ABHD6: variants seen among roughly 807,000 people sequenced by gnomAD.
ABHD6 encodes the protein abhydrolase domain containing 6, acylglycerol lipase.
In ABHD6, 33 loss-of-function variants were observed where a neutral mutation model predicts 38.8. That is an observed-to-expected ratio of 0.85 (90% confidence interval 0.64 to 1.14). ABHD6 has a LOEUF of 1.14. Ranked by LOEUF, ABHD6 falls within the 50% of genes most tolerant of loss-of-function variation. The pLI, the probability that ABHD6 is intolerant of heterozygous loss-of-function variation, is 0.00. For missense variants in ABHD6, 380 were observed against 422.6 expected, an observed-to-expected ratio of 0.90 and a Z score of 0.88; for synonymous variants, 147 against 161.6, an observed-to-expected ratio of 0.91 and a Z score of 0.69.
Position 58,262,615 on chromosome 3 carries a change from CT to C in ABHD6, c.120-4573del, listed in dbSNP as rs1219229558. 3.3e-5 allele frequency among the ~76,000 whole-genome samples: 5 copies of C among 152,316 alleles called. No individual in the cohort carries two copies. In the East Asian group the frequency reaches 9.6e-4, roughly 29 times the overall value. ...CTCTTTGTTTCTGTTCTGTAAGGTT[CT>C]GCTTTTGTGAATTAGAGGTAATCTA... On this transcript the variant is annotated intron_variant, in intron 3 of 9. Transcript: ENST00000478253.
rs1160252748 is a variant in ABHD6 at position 58,269,091 on chromosome 3, G to C, written c.277-230G>C. On this transcript the variant is annotated intron_variant, in intron 4 of 9. Transcript: ENST00000478253. The surrounding 1 kb of genome is among the most constrained non-coding windows in gnomAD (Gnocchi z 4.4). ...CCCCGACTTTGTCCCCTTTTTACAG[G>C]CATCTCCTGAGCCTGCTTCCATCTA... 6.6e-6 allele frequency among the ~76,000 whole-genome samples: 1 copy of C among 152,196 alleles called. No homozygotes were observed. The highest frequency in any genetic ancestry group is 2.4e-5 in the African/African-American group (1 of 41,454).
intron 7 of ABHD6, among the ~76,000 whole-genome samples, chr3:58,277,922 G>T (rs1370367965): frequency 6.6e-6 from 1 of 152,160 alleles, no homozygotes; most frequent in Non-Finnish European, 1.5e-5. Flanking sequence ...TTATTGATTT[G>T]TGTATGTTGA....
At chr3:58,272,350 T>C (rs1486234204) in intron 6 of ABHD6, among the ~76,000 whole-genome samples, 1 of 152,222 alleles carries the variant, frequency 6.6e-6, no homozygotes. Flanking sequence ...AGTCCTTGCA[T>C]ATTTACTGCC....
Position 58,251,789 on chromosome 3 carries a change from C to A in ABHD6, c.-26+1847C>A, listed in dbSNP as rs1271287839. On this transcript the variant is annotated intron_variant, in intron 2 of 9. Coordinates refer to ENST00000478253, the MANE Select transcript of ABHD6 (RefSeq NM_001320126.2). The surrounding 1 kb of genome is among the most constrained non-coding windows in gnomAD (Gnocchi z 5.4). Reference sequence around the variant, plus strand: ...TAACCCTGGGGTGCCTCACTTTACACGATAAATAGATAAAATGAAGTGTTT... The same window carrying A: ...TAACCCTGGGGTGCCTCACTTTACAAGATAAATAGATAAAATGAAGTGTTT... Among the ~76,000 whole-genome samples, 1 of 152,122 alleles carries A rather than the reference C, an allele frequency of 6.6e-6. No individual in the cohort carries two copies.
At chr3:58,275,165 C>A (rs1304245825) in intron 7 of ABHD6, among the ~76,000 whole-genome samples, 1 of 151,952 alleles carries the variant, frequency 6.6e-6, no homozygotes, top group Non-Finnish European at 1.5e-5. Flanking sequence ...CTTCTAGGGA[C>A]AGCATATGCA....
intron 7 of ABHD6, among the ~76,000 whole-genome samples, chr3:58,279,748 T>G (rs527644316): frequency 6.6e-6 from 1 of 152,358 alleles, no homozygotes; most frequent in South Asian, 2.1e-4. Context: ...TTTCCATGTT[T>G]AGTGCTTCCT....
chr3:58,256,092 C>G lies in ABHD6; in HGVS notation c.-25-470C>G, dbSNP rs1036887970. Reference sequence around the variant, plus strand: ...CCTCCCACCAACACACACACACACACACACACACACACACACATACACACA... The same window carrying G: ...CCTCCCACCAACACACACACACACAGACACACACACACACACATACACACA... On this transcript the variant is annotated intron_variant, in intron 2 of 9. Transcript: ENST00000478253. The surrounding 1 kb of genome is among the most constrained non-coding windows in gnomAD (Gnocchi z 4.3). Among the ~76,000 whole-genome samples, 6 of 84,934 alleles carry G rather than the reference C, an allele frequency of 7.1e-5. No homozygotes were observed. Among genetic ancestry groups the G allele is most frequent in the Admixed American group, 5.0e-4 (5 of 10,032 alleles). 55.7% of individuals were successfully genotyped at this position (84,934 alleles called of 152,430 possible).
chr3:58,247,670 G>A (rs1441539828), intron 1 of ABHD6, among the ~76,000 whole-genome samples: 3 of 152,038 alleles, frequency 2.0e-5, no homozygotes, highest in African/African-American at 7.3e-5. Context: ...TCCACCTCGC[G>A]GTCAAGCAAT....
At chr3:58,290,256 C>T (rs1351004654) in intron 9 of ABHD6, among the ~76,000 whole-genome samples, 3 of 129,480 alleles carry the variant, frequency 2.3e-5, no homozygotes, top group Non-Finnish European at 3.4e-5. Context: ...GCAGAGGCGC[C>T]CCTCACCTCC....
intron 9 of ABHD6, among the ~76,000 whole-genome samples, chr3:58,291,957 C>CA (rs1336427650): frequency 4.7e-5 from 7 of 150,486 alleles, no homozygotes; most frequent in Non-Finnish European, 7.4e-5. Flanking sequence ...CTCAAAAAAA[C>CA]AAAAAAAGAC....
At chr3:58,260,353 C>G (rs2097436120) in intron 3 of ABHD6, among the ~76,000 whole-genome samples, 1 of 152,134 alleles carries the variant, frequency 6.6e-6, no homozygotes, top group African/African-American at 2.4e-5. Context: ...AGAAGAAAAC[C>G]CAGCTGGTTT....
chr3:58,288,277 GGACCCCTGTAGGCT>G (rs2097458920), intron 9 of ABHD6, among the ~76,000 whole-genome samples: 1 of 152,140 alleles, frequency 6.6e-6, no homozygotes, highest in Non-Finnish European at 1.5e-5. Flanking sequence ...CTTCTTCTTT[GGACCCCTGTAGGCT>G]GACTGCTATA....
intron 7 of ABHD6, among the ~76,000 whole-genome samples, chr3:58,277,115 A>G (rs991205985): frequency 5.3e-5 from 8 of 152,116 alleles, no homozygotes; most frequent in African/African-American, 1.7e-4. Flanking sequence ...TTGGTTCCAT[A>G]TGAACTTTAA....
In ABHD6 at chr3:58,273,340, G is replaced by T. The variant is rs1266285538; in HGVS notation, c.524-1318G>T. Among the ~76,000 whole-genome samples the T allele has an allele frequency of 6.6e-6, 1 of 152,028 alleles. No homozygotes were observed. The highest frequency in any genetic ancestry group is 2.4e-5 in the African/African-American group (1 of 41,400). On this transcript the variant is annotated intron_variant, in intron 6 of 9. Transcript: ENST00000478253. This position sits in a 1 kb window ranked among gnomAD's most constrained non-coding sequence, Gnocchi z 4.8. ...TTTGGGAGGCTAAGAGAGGAGGATTGCTTGAGGCCAGGAGTTCAAGACCAG... is the reference window on the plus strand; with the variant it reads ...TTTGGGAGGCTAAGAGAGGAGGATTTCTTGAGGCCAGGAGTTCAAGACCAG...
intron 1 of ABHD6, among the ~76,000 whole-genome samples, chr3:58,239,919 G>A (rs1483311726): frequency 1.3e-5 from 2 of 151,416 alleles, no homozygotes; most frequent in Non-Finnish European, 2.9e-5. Flanking sequence ...AGAGGCCAAG[G>A]CAAGAGGATC....
In ABHD6 at chr3:58,287,636, G is replaced by C. The variant is rs927134719; in HGVS notation, c.837+2183G>C. Among the ~76,000 whole-genome samples the C allele has an allele frequency of 1.1e-4, 17 of 152,238 alleles. No individual in the cohort carries two copies. The highest frequency in any genetic ancestry group is 2.4e-4 in the Non-Finnish European group (16 of 68,050). On this transcript the variant is annotated intron_variant, in intron 9 of 9. Transcript: ENST00000478253. The surrounding 1 kb of genome is among the most constrained non-coding windows in gnomAD (Gnocchi z 4.7). ...CAGAGAGTCATTTGATCAGGAATCA[G>C]AGCCTGAGCAGCGAAGGCCTTCTGT...
At chr3:58,239,186 C>T (rs764816809) in intron 1 of ABHD6, among the ~76,000 whole-genome samples, 44 of 149,344 alleles carry the variant, frequency 2.9e-4, no homozygotes, top group Non-Finnish European at 4.0e-4. Context: ...TTATCAAGAA[C>T]ATTGTTATAA....
chr3:58,280,986 C>G (rs2097452744), intron 7 of ABHD6, among the ~76,000 whole-genome samples: 1 of 152,124 alleles, frequency 6.6e-6, no homozygotes, highest in Non-Finnish European at 1.5e-5. Flanking sequence ...CAGAGGGGCA[C>G]CCGGCCGTAT....
intron 7 of ABHD6, among the ~76,000 whole-genome samples, chr3:58,283,353 TTTCC>T (rs1303735780): frequency 6.6e-6 from 1 of 152,212 alleles, no homozygotes. Flanking sequence ...TCCAAAAGTC[TTTCC>T]TTCCTAGGAG....
Sources: gnomAD v4.1 joint callset for allele counts (sites outside exome capture counted in the v4.1 genomes callset) on GRCh38, gnomAD v4.1.1 for gene constraint, Gnocchi (gnomAD v3.1) non-coding constraint, MANE v1.5 for transcripts, NCBI Gene and HGNC (gene_info 2026-07-23, HGNC 2026-07-21) for gene names.